The following DGCR2 variants were observed in gnomAD, a reference collection of about 807,000 sequenced individuals.
The protein encoded by DGCR2 is integral membrane protein DGCR2/IDD.
A neutral mutation model predicts 51.6 loss-of-function variants in DGCR2; 24 were observed. The ratio of observed to expected loss-of-function variants is 0.47; its 90% confidence interval spans 0.34 to 0.65. The LOEUF is 0.65. DGCR2 is among the 30% of genes least tolerant of loss of function. The pLI, the probability that DGCR2 is intolerant of heterozygous loss-of-function variation, is 0.01. For missense variants in DGCR2, 765 were observed against 772.1 expected (o/e 0.99, Z 0.11); for synonymous variants, 340 against 315.4 (o/e 1.08, Z -0.82).
intron 3 of DGCR2, among the ~76,000 whole-genome samples, chr22:19,067,567 C>A (rs2082763493): frequency 6.6e-6 from 1 of 152,152 alleles, no homozygotes; most frequent in African/African-American, 2.4e-5. Flanking sequence ...ATGGCACGTG[C>A]CTGTAATCCC....
chr22:19,046,699 G>A (rs771821303), intron 7 of DGCR2: 1 of 418,064 alleles, frequency 2.4e-6, no homozygotes, highest in South Asian at 1.7e-5. Context: ...AGGAGAGTCA[G>A]GAGCCCATGG....
intron 7 of DGCR2, chr22:19,046,609 A>G (rs1182526024): frequency 1.4e-5 from 3 of 209,412 alleles, no homozygotes; most frequent in Admixed American, 1.4e-4. Flanking sequence ...CTGATGCTTA[A>G]CACATGACAT....
At chr22:19,079,233 T>A (rs1288164347) in intron 2 of DGCR2, among the ~76,000 whole-genome samples, 1 of 152,180 alleles carries the variant, frequency 6.6e-6, no homozygotes, top group Non-Finnish European at 1.5e-5. Context: ...AGTGCCAACG[T>A]TGTACTCAAA....
chr22:19,072,649 C>A (rs1053676854), intron 2 of DGCR2, among the ~76,000 whole-genome samples: 1 of 150,728 alleles, frequency 6.6e-6, no homozygotes, highest in African/African-American at 2.4e-5. Flanking sequence ...CCGAGGTGGG[C>A]AGATCACAAG....
intron 5 of DGCR2, among the ~76,000 whole-genome samples, chr22:19,058,006 A>G (rs967539070): frequency 6.6e-6 from 1 of 152,190 alleles, no homozygotes; most frequent in Non-Finnish European, 1.5e-5. Flanking sequence ...CAACCTTTCC[A>G]AGAAGCAGAA....
chr22:19,044,311 T>C (rs1481981726), intron 7 of DGCR2, among the ~76,000 whole-genome samples: 4 of 152,088 alleles, frequency 2.6e-5, no homozygotes, highest in African/African-American at 4.8e-5. Context: ...GCAGTTGGGG[T>C]TGTCTTTTGT....
chr22:19,108,691 A>C (rs889363494), intron 1 of DGCR2, among the ~76,000 whole-genome samples: 2 of 151,984 alleles, frequency 1.3e-5, no homozygotes, highest in Middle Eastern at 3.4e-3. Flanking sequence ...ACAAAGGTAC[A>C]AAGACAATTC....
chr22:19,096,794 G>A (rs1202694593), intron 1 of DGCR2, among the ~76,000 whole-genome samples: 2 of 151,302 alleles, frequency 1.3e-5, no homozygotes, highest in Non-Finnish European at 2.9e-5. Flanking sequence ...CACAATCATG[G>A]TGCCTCAAAG....
At chr22:19,062,122 G>A (rs993282735) in intron 5 of DGCR2, among the ~76,000 whole-genome samples, 2 of 152,198 alleles carry the variant, frequency 1.3e-5, no homozygotes. Context: ...TTTGACTCTG[G>A]GGCCTGGAAA....
intron 1 of DGCR2, among the ~76,000 whole-genome samples, chr22:19,090,896 C>T (rs2800985): frequency 0.41 from 62,614 of 151,678 alleles, 13,357 homozygotes; most frequent in African/African-American, 0.53. Context: ...TCAATAAATA[C>T]GCAGAACGAT....
chr22:19,110,634 A>AT (rs1344415778), intron 1 of DGCR2, among the ~76,000 whole-genome samples: 236 of 120,068 alleles, frequency 2.0e-3, no homozygotes, highest in African/African-American at 8.2e-3. Context: ...ATAAAATTAA[A>AT]TTAAAAAAAA....
intron 5 of DGCR2, chr22:19,060,620 G>A (rs1038304195): frequency 1.8e-5 from 4 of 227,302 alleles, no homozygotes; most frequent in Middle Eastern, 1.7e-3. Flanking sequence ...GCAGCACGTG[G>A]GGCGGTGTGG....
chr22:19,070,740 T>C (rs1225047268), intron 2 of DGCR2, among the ~76,000 whole-genome samples: 1 of 152,200 alleles, frequency 6.6e-6, no homozygotes, highest in African/African-American at 2.4e-5. Context: ...TAGGTGGCAA[T>C]TGTGAGCCCT....
At chr22:19,099,948 C>G (rs569781526) in intron 1 of DGCR2, among the ~76,000 whole-genome samples, 1 of 145,158 alleles carries the variant, frequency 6.9e-6, no homozygotes, top group African/African-American at 2.6e-5. Flanking sequence ...CCAGCCTGGA[C>G]GACAGAGCAA....
At chr22:19,092,181 T>C (rs2083085855) in intron 1 of DGCR2, among the ~76,000 whole-genome samples, 1 of 151,744 alleles carries the variant, frequency 6.6e-6, no homozygotes, top group South Asian at 2.1e-4. Flanking sequence ...CCCTGTCTAC[T>C]AAAAATACAA....
At chr22:19,061,051 G>A (rs1162057466) in intron 5 of DGCR2, 1 of 247,300 alleles carries the variant, frequency 4.0e-6, no homozygotes, top group African/African-American at 2.3e-5. Flanking sequence ...ACCATCATTA[G>A]CTGATATTCT....
At chr22:19,076,749 G>A (rs1367400396) in intron 2 of DGCR2, among the ~76,000 whole-genome samples, 1 of 10,824 alleles carries the variant, frequency 9.2e-5, no homozygotes, top group Non-Finnish European at 2.2e-4. Context: ...TTTTTTTTTT[G>A]AGATGGAGTC....
chr22:19,090,391 T>C (rs2146014899), intron 1 of DGCR2, among the ~76,000 whole-genome samples: 1 of 152,348 alleles, frequency 6.6e-6, no homozygotes, highest in East Asian at 1.9e-4. Flanking sequence ...GGAATTGAAT[T>C]GCTTAAAATC....
At chr22:19,120,893 C>T (rs1482440980) in intron 1 of DGCR2, among the ~76,000 whole-genome samples, 2 of 152,262 alleles carry the variant, frequency 1.3e-5, no homozygotes, top group African/African-American at 4.8e-5. Context: ...AGTCATCCCG[C>T]TGCCCAGAGA....
Sources: gnomAD v4.1 joint callset for allele counts (sites outside exome capture counted in the v4.1 genomes callset) on GRCh38, gnomAD v4.1.1 for gene constraint, MANE v1.5 for transcripts, NCBI Gene and HGNC (gene_info 2026-07-23, HGNC 2026-07-21) for gene names.